The following DPP4 variants were observed in gnomAD, a reference collection of about 807,000 sequenced individuals.
The protein encoded by DPP4 is dipeptidyl peptidase 4.
A neutral mutation model predicts 122.4 loss-of-function variants in DPP4; 93 were observed. That is an observed-to-expected ratio of 0.76 (90% CI 0.64 to 0.90). The LOEUF is 0.90. DPP4 is among the 40% of genes least tolerant of loss of function. The pLI is 0.00. For synonymous variants in DPP4, 321 were observed against 302.9 expected (o/e 1.06, Z -0.62); for missense variants, 914 against 907.3 (o/e 1.01, Z -0.09).
At chr2:162,023,416 C>T (rs1375852197) in intron 11 of DPP4, among the ~76,000 whole-genome samples, 1 of 152,190 alleles carries the variant, frequency 6.6e-6, no homozygotes, top group Non-Finnish European at 1.5e-5. Flanking sequence ...TAAGTCCAAA[C>T]TCCAGGAATG....
At chr2:162,069,543 A>C (rs1685049347) in intron 2 of DPP4, among the ~76,000 whole-genome samples, 1 of 152,226 alleles carries the variant, frequency 6.6e-6, no homozygotes, top group Non-Finnish European at 1.5e-5. Context: ...TGCTATGGCT[A>C]GGGAAGCAAA....
intron 4 of DPP4, chr2:162,046,694 G>T (rs535382113): frequency 3.1e-5 from 19 of 609,054 alleles, no homozygotes; most frequent in Non-Finnish European, 5.2e-5. Flanking sequence ...GCCCCAAGGA[G>T]CACTTACATT....
chr2:161,995,174 T>C, intron 24 of DPP4, 126 bp downstream of exon 24: 3 of 1,306,656 alleles, frequency 2.3e-6, no homozygotes, highest in Non-Finnish European at 2.2e-6. Context: ...GACAAGTGAC[T>C]TGTGGAAAGC....
At chr2:162,039,332 G>A in intron 5 of DPP4, 148 bp from the exon 6 acceptor site, 1 of 722,060 alleles carries the variant, frequency 1.4e-6, no homozygotes. Context: ...GAGAATTTTG[G>A]GATTCAGAAG....
Position 162,019,256 on chromosome 2 carries a change from T to C in DPP4, c.1265A>G (p.Tyr422Cys). The change falls in exon 15 of 26, where the codon TAT becomes TGT. Residue 422 changes from tyrosine to cysteine, a missense_variant. Coordinates refer to ENST00000360534, the MANE Select transcript of DPP4 (RefSeq NM_001935.4). ...SDYLYYISNE[Y>C]KGMPGGRNLY... ...ATTCCTTCCTCCTGGCATTCCTTTA[T>C]ATTCATTACTAATGTAGTATCTAGG... The C allele has an allele frequency of 6.3e-7, 1 of 1,582,214 alleles. No homozygotes were observed. The highest frequency in any genetic ancestry group is 1.1e-5 in the South Asian group (1 of 88,740).
At chr2:162,044,237 G>C (rs750473957) in intron 5 of DPP4, among the ~76,000 whole-genome samples, 9 of 152,162 alleles carry the variant, frequency 5.9e-5, no homozygotes, top group African/African-American at 1.7e-4. Flanking sequence ...ACAAGATTCC[G>C]ATTCACTTAC....
intron 23 of DPP4, among the ~76,000 whole-genome samples, chr2:162,005,172 T>A (rs1040271187): frequency 2.0e-5 from 3 of 152,208 alleles, no homozygotes; most frequent in Non-Finnish European, 2.9e-5. Flanking sequence ...CTATAGCCCA[T>A]CTGCAGAGCA....
intron 18 of DPP4, among the ~76,000 whole-genome samples, chr2:162,014,987 T>C (rs1168976209): frequency 1.3e-5 from 2 of 152,204 alleles, no homozygotes; most frequent in Non-Finnish European, 2.9e-5. Flanking sequence ...TTTCACAGAA[T>C]GAGATCGGGT....
intron 18 of DPP4, among the ~76,000 whole-genome samples, chr2:162,015,353 A>T (rs567769020): frequency 6.6e-6 from 1 of 152,206 alleles, no homozygotes; most frequent in African/African-American, 2.4e-5. Flanking sequence ...TTTATCTTCA[A>T]TTTATATTTT....
At chr2:162,066,250 C>CT (rs3216640) in intron 2 of DPP4, among the ~76,000 whole-genome samples, 27 of 146,804 alleles carry the variant, frequency 1.8e-4, no homozygotes, top group South Asian at 1.3e-3. Flanking sequence ...TCCTGCGTTT[C>CT]TTTTTTTTTT....
intron 8 of DPP4, among the ~76,000 whole-genome samples, chr2:162,037,588 T>G (rs1683823764): frequency 6.6e-6 from 1 of 152,158 alleles, no homozygotes; most frequent in Non-Finnish European, 1.5e-5. Context: ...TTCTAATAAG[T>G]ATGAGGAAAC....
chr2:162,022,362 T>G (rs760348781), intron 12 of DPP4, among the ~76,000 whole-genome samples: 35 of 152,164 alleles, frequency 2.3e-4, no homozygotes, highest in Admixed American at 5.2e-4. Context: ...TATAGTGACC[T>G]CTCCTTAGGT....
intron 10 of DPP4, among the ~76,000 whole-genome samples, chr2:162,027,273 C>T (rs891274428): frequency 1.3e-5 from 2 of 151,830 alleles, no homozygotes; most frequent in African/African-American, 4.8e-5. Flanking sequence ...ATTGCTTGAA[C>T]CCGGGAGACG....
chr2:162,000,945 C>T (rs1701131506), intron 23 of DPP4, among the ~76,000 whole-genome samples: 1 of 152,258 alleles, frequency 6.6e-6, no homozygotes, highest in African/African-American at 2.4e-5. Flanking sequence ...TTCTGTTATC[C>T]CTCAGTTCAT....
intron 16 of DPP4, among the ~76,000 whole-genome samples, chr2:162,018,038 TA>T (rs1007108563): frequency 6.1e-4 from 86 of 142,026 alleles, no homozygotes; most frequent in East Asian, 1.2e-3. Flanking sequence ...AAATAATTGC[TA>T]AAAAAAAAAA....
At chr2:162,041,497 T>C (rs987320279) in intron 5 of DPP4, among the ~76,000 whole-genome samples, 2 of 152,198 alleles carry the variant, frequency 1.3e-5, no homozygotes, top group African/African-American at 4.8e-5. Context: ...GTTCCTAACC[T>C]TAACTATTTA....
chr2:162,021,306 C>T (rs1030677208), intron 12 of DPP4, among the ~76,000 whole-genome samples: 1 of 151,988 alleles, frequency 6.6e-6, no homozygotes, highest in African/African-American at 2.4e-5. Context: ...CAACAATTTA[C>T]AAAAAATATT....
intron 10 of DPP4, among the ~76,000 whole-genome samples, chr2:162,028,243 T>A (rs1683412255): frequency 6.6e-6 from 1 of 151,970 alleles, no homozygotes; most frequent in Non-Finnish European, 1.5e-5. Context: ...GCATCTGTAA[T>A]CCCAGCTACT....
chr2:162,069,714 G>A (rs183226777), intron 2 of DPP4, among the ~76,000 whole-genome samples: 38 of 152,212 alleles, frequency 2.5e-4, no homozygotes, highest in South Asian at 2.1e-4. Context: ...TCATTCAGGC[G>A]CATTTCTGTG....
Sources: allele counts gnomAD v4.1 joint callset (sites outside exome capture counted in the v4.1 genomes callset), GRCh38; gene constraint gnomAD v4.1.1; transcripts MANE v1.5; gene names NCBI Gene and HGNC (gene_info 2026-07-23, HGNC 2026-07-21).